ABCC11: variants seen among roughly 807,000 people sequenced by gnomAD.
The protein encoded by ABCC11 is ATP binding cassette subfamily C member 11.
In ABCC11, 135 loss-of-function variants were observed where a neutral mutation model predicts 149.3. The observed-to-expected ratio is 0.90, with a 90% CI of 0.79 to 1.04. The LOEUF is 1.04. ABCC11 is among the 50% of genes least tolerant of loss of function. The probability of loss-of-function intolerance (pLI) is 0.00; values close to 1 mark genes in which losing one functional copy is unlikely to be tolerated. For missense variants in ABCC11, 1,680 were observed against 1,722.1 expected (o/e 0.98, Z 0.43); for synonymous variants, 665 against 671.4 (o/e 0.99, Z 0.15).
Position 48,175,254 on chromosome 16 carries a change from T to TAC in ABCC11, c.3698+3_3698+4insGT. ...TGCAGGCTGCCTGCTGGCCCGGCAC[T>TAC]CACCTGATGGTTCCTGAGAGCAGCA... On this transcript the variant is annotated splice_donor_region_variant and intron_variant, in intron 26 of 29. Coordinates refer to ENST00000356608, the MANE Select transcript of ABCC11 (RefSeq NM_001370497.1). 1 of 1,602,842 alleles carries TAC rather than the reference T, an allele frequency of 6.2e-7. No homozygotes were observed. Among genetic ancestry groups the TAC allele is most frequent in the Non-Finnish European group, 8.5e-7 (1 of 1,170,722 alleles).
At position 48,184,514 on chromosome 16, in the gene ABCC11, C is replaced by G; in HGVS notation, c.3184G>C (p.Ala1062Pro). The change falls in exon 23 of 30, where the codon GCC (alanine) becomes CCC (proline). Residue 1062 changes from alanine (A) to proline (P), a missense_variant. By Grantham distance (27) the Ala-to-Pro change is conservative. Coordinates refer to ENST00000356608, the MANE Select transcript of ABCC11 (RefSeq NM_001370497.1). ...GAAATGCCAAAAGCCACGAACAGGGCAACAGCCAAGGTCACAAGGTTGGTC... is the reference window on the plus strand; with the variant it reads ...GAAATGCCAAAAGCCACGAACAGGGGAACAGCCAAGGTCACAAGGTTGGTC... ...IMTNLVTLAV[A>P]LFVAFGISST... The G allele has an allele frequency of 6.2e-7, 1 of 1,614,208 alleles. No individual in the cohort carries two copies. The highest frequency in any genetic ancestry group is 1.1e-5 in the South Asian group (1 of 91,088).
chr16:48,184,292 A>T (rs1355042784), intron 23 of ABCC11, 148 bp downstream of exon 23: 7 of 963,106 alleles, frequency 7.3e-6, no homozygotes, highest in Non-Finnish European at 1.1e-5. Flanking sequence ...TACCAATTTC[A>T]GAAGGCCAAG....
intron 24 of ABCC11, 101 bp from the exon 25 acceptor site, chr16:48,177,214 C>CCCTA: frequency 8.1e-7 from 1 of 1,238,466 alleles, no homozygotes; most frequent in Non-Finnish European, 1.1e-6. Flanking sequence ...GTGACCCACC[C>CCCTA]CAGCCTGCCT....
chr16:48,205,798 A>G (rs1968388097), intron 12 of ABCC11, among the ~76,000 whole-genome samples: 1 of 149,562 alleles, frequency 6.7e-6, no homozygotes, highest in Non-Finnish European at 1.5e-5. Context: ...AAGACACTCC[A>G]TACGTTTTTT....
intron 20 of ABCC11, among the ~76,000 whole-genome samples, chr16:48,188,033 C>A (rs889362837): frequency 1.3e-5 from 2 of 152,210 alleles, no homozygotes; most frequent in Non-Finnish European, 2.9e-5. Flanking sequence ...TCATCAATGA[C>A]TTGATGACTT....
chr16:48,168,015 A>G (rs1409585475), intron 28 of ABCC11, among the ~76,000 whole-genome samples: 1 of 152,250 alleles, frequency 6.6e-6, no homozygotes, highest in African/African-American at 2.4e-5. Context: ...CACACACCCC[A>G]GGAGGCACAT....
At position 48,222,682 on chromosome 16, in the gene ABCC11, G is replaced by A; in HGVS notation, c.693C>T (p.Ala231=). The A allele has an allele frequency of 1.9e-6, 3 of 1,614,206 alleles. No homozygotes were observed. Among genetic ancestry groups the A allele is most frequent in the Non-Finnish European group, 2.5e-6 (3 of 1,180,046 alleles). Residue 231 remains alanine, a synonymous_variant, in exon 6 of 30, where the codon GCC becomes GCT. Coordinates refer to ENST00000356608, the MANE Select transcript of ABCC11 (RefSeq NM_001370497.1). ...SSSWIINQRT[A]IRFRAAVSSF... is the part of the protein sequence containing the mutation. The stretch of plus-strand genomic sequence containing the variant: ...AGGAAACAGCTGCTCGGAACCTGAT[G>A]GCTGTGCGTTGGTTGATGATCCAAC...
rs2150701436 is a variant in ABCC11, at chr16:48,167,663, G to A, written c.3892-3C>T. ...GTGGCTTCATCGATAAGGATGATCT[G>A]ATGAATACAAAACAGGGGTGAAGGT... On this transcript the variant is annotated splice_region_variant and splice_polypyrimidine_tract_variant and intron_variant, in intron 28 of 29. Transcript: ENST00000356608. The A allele has an allele frequency of 6.2e-7, 1 of 1,614,046 alleles. No individual in the cohort carries two copies. Among genetic ancestry groups the A allele is most frequent in the Non-Finnish European group, 8.5e-7 (1 of 1,179,994 alleles).
chr16:48,176,738 G>A (rs1453737475), intron 25 of ABCC11, among the ~76,000 whole-genome samples, 186 bp downstream of exon 25: 1 of 152,144 alleles, frequency 6.6e-6, no homozygotes, highest in Non-Finnish European at 1.5e-5. Flanking sequence ...CTCCTCCACT[G>A]GAATCCCATG....
chr16:48,178,627 C>T lies in ABCC11; in HGVS notation c.3318G>A (p.Thr1106=), dbSNP rs879161986. ...RIGLETEAQF[T]AVERILQYMK... ...TGTACTGCAGTATCCTCTCTACAGC[C>T]GTGAACTGTGCCTCTGTCTCCAAGC... The change falls in exon 24 of 30, where the codon ACG becomes ACA. Residue 1106 remains threonine, a synonymous_variant. Transcript: ENST00000356608. 1.5e-5 allele frequency: 25 copies of T among 1,614,020 alleles called. No individual in the cohort carries two copies. The highest frequency in any genetic ancestry group is 1.2e-4 in the African/African-American group (9 of 74,912).
intron 26 of ABCC11, 152 bp from the exon 27 acceptor site, chr16:48,171,119 C>T (rs1965690063): frequency 2.8e-6 from 2 of 712,776 alleles, no homozygotes; most frequent in Non-Finnish European, 4.8e-6. Flanking sequence ...TTTTTTGTGC[C>T]TCCCAGCACC....
intron 26 of ABCC11, among the ~76,000 whole-genome samples, chr16:48,173,433 G>A (rs990298290): frequency 3.9e-5 from 6 of 152,214 alleles, no homozygotes; most frequent in Non-Finnish European, 2.9e-5. Flanking sequence ...GTGTTGCTGG[G>A]AGAGTTAAAT....
chr16:48,230,718 G>A, intron 2 of ABCC11, 145 bp from the exon 3 acceptor site: 1 of 996,382 alleles, frequency 1.0e-6, no homozygotes, highest in South Asian at 2.0e-5. Flanking sequence ...AATAAGCAGG[G>A]GACCGAGAGT....
chr16:48,233,219 A>C (rs1742409755), intron 1 of ABCC11, among the ~76,000 whole-genome samples: 1 of 152,148 alleles, frequency 6.6e-6, no homozygotes, highest in Admixed American at 6.6e-5. Flanking sequence ...AAACAAAACA[A>C]ACATTCAAAT....
chr16:48,243,076 G>GA (rs200926675), intron 1 of ABCC11, among the ~76,000 whole-genome samples: 82 of 148,400 alleles, frequency 5.5e-4, no homozygotes, highest in Non-Finnish European at 4.9e-4. Flanking sequence ...ATTAAAAACA[G>GA]AAAAAAAATA....
chr16:48,214,749 C>T (rs892444268), intron 9 of ABCC11, 132 bp downstream of exon 9: 4 of 1,279,360 alleles, frequency 3.1e-6, no homozygotes, highest in Admixed American at 2.3e-5. Context: ...GTACTTTTGT[C>T]TGGAAAATCA....
At position 48,202,140 on chromosome 16, in the gene ABCC11, G is replaced by A. The variant is rs117786607; in HGVS notation, c.1878+1088C>T. ...TAATAGTTAACACTTACTCTAGGCC[G>A]GGCACTAGTCAAAACACTTTGTATT... On this transcript the variant is annotated intron_variant, in intron 14 of 29. Coordinates refer to ENST00000356608, the MANE Select transcript of ABCC11 (RefSeq NM_001370497.1). Among the ~76,000 whole-genome samples the A allele has an allele frequency of 3.0e-3, 458 of 152,144 alleles. 6 individuals are homozygous for A. The highest frequency in any genetic ancestry group is 0.014 in the East Asian group (75 of 5,180).
At chr16:48,205,183 T>G (rs1968323490) in intron 13 of ABCC11, among the ~76,000 whole-genome samples, 1 of 152,220 alleles carries the variant, frequency 6.6e-6, no homozygotes, top group South Asian at 2.1e-4. Flanking sequence ...CTCTATCACA[T>G]CCCACCACCT....
intron 6 of ABCC11, among the ~76,000 whole-genome samples, chr16:48,217,508 A>C (rs1969430926): frequency 1.3e-5 from 2 of 152,130 alleles, no homozygotes; most frequent in African/African-American, 4.8e-5. Context: ...AGGCGGGAGG[A>C]TTACTTGAGC....
Sources: gnomAD v4.1 joint callset for allele counts (sites outside exome capture counted in the v4.1 genomes callset) on GRCh38, gnomAD v4.1.1 for gene constraint, MANE v1.5 for transcripts, NCBI Gene and HGNC (gene_info 2026-07-23, HGNC 2026-07-21) for gene names.